LDLRAD3: variants seen among roughly 807,000 people sequenced by gnomAD.
The protein encoded by LDLRAD3 is low density lipoprotein receptor class A domain containing 3, also known as low-density lipoprotein receptor class A domain-containing protein 3.
In LDLRAD3, 20 loss-of-function variants were observed where a neutral mutation model predicts 29.4. The observed-to-expected ratio is 0.68, with a 90% CI of 0.48 to 0.99. The LOEUF is 0.99. Ranked by LOEUF, LDLRAD3 falls within the 50% of genes least tolerant of loss-of-function variation. The pLI is 0.00. For missense variants in LDLRAD3, 420 were observed against 454.3 expected (o/e 0.92, Z 0.69); for synonymous variants, 157 against 192.7 (o/e 0.81, Z 1.53).
chr11:36,192,013 C>G (rs1854960956), intron 4 of LDLRAD3, among the ~76,000 whole-genome samples: 1 of 152,064 alleles, frequency 6.6e-6, no homozygotes, highest in Admixed American at 6.5e-5. Flanking sequence ...AAGTAGCATA[C>G]AAGCATGCTA....
At chr11:35,945,542 A>G (rs1851046026) in intron 1 of LDLRAD3, among the ~76,000 whole-genome samples, 1 of 152,180 alleles carries the variant, frequency 6.6e-6, no homozygotes, top group Non-Finnish European at 1.5e-5. Flanking sequence ...GAGAGTTCTC[A>G]CAGGACATTG....
intron 4 of LDLRAD3, among the ~76,000 whole-genome samples, chr11:36,121,853 C>T (rs1381246869): frequency 6.6e-6 from 1 of 152,236 alleles, no homozygotes; most frequent in African/African-American, 2.4e-5. Context: ...CCAGCACCTC[C>T]CACCTGCCAT....
chr11:36,013,327 A>G (rs1260234508), intron 1 of LDLRAD3, among the ~76,000 whole-genome samples: 1 of 152,036 alleles, frequency 6.6e-6, no homozygotes, highest in Non-Finnish European at 1.5e-5. Flanking sequence ...TCCGAGATAC[A>G]TGTGCAGAAT....
intron 1 of LDLRAD3, among the ~76,000 whole-genome samples, chr11:35,982,877 G>A (rs1173671827): frequency 7.4e-6 from 1 of 134,866 alleles, no homozygotes; most frequent in Admixed American, 8.1e-5. Flanking sequence ...TTTTTGAGAC[G>A]GAGTCTTGCT....
At chr11:36,206,960 T>G (rs1223224375) in intron 4 of LDLRAD3, among the ~76,000 whole-genome samples, 1 of 152,070 alleles carries the variant, frequency 6.6e-6, no homozygotes, top group Non-Finnish European at 1.5e-5. Context: ...ACTCTTGACC[T>G]CGTGATACAC....
intron 1 of LDLRAD3, among the ~76,000 whole-genome samples, chr11:35,989,952 T>C (rs1277585688): frequency 6.6e-6 from 1 of 152,140 alleles, no homozygotes; most frequent in Non-Finnish European, 1.5e-5. Flanking sequence ...GAAAACCTCA[T>C]AGGAAAACCA....
At chr11:36,042,199 A>G (rs941448344) in intron 2 of LDLRAD3, among the ~76,000 whole-genome samples, 10 of 152,100 alleles carry the variant, frequency 6.6e-5, no homozygotes, top group African/African-American at 2.2e-4. Flanking sequence ...TTCTGCCTCT[A>G]GGTGGTGCCA....
chr11:36,044,523 C>T (rs879591940), intron 2 of LDLRAD3, among the ~76,000 whole-genome samples: 9 of 152,202 alleles, frequency 5.9e-5, no homozygotes, highest in Non-Finnish European at 1.2e-4. Flanking sequence ...CTCCATCCTC[C>T]GCTTCCCCTT....
intron 1 of LDLRAD3, among the ~76,000 whole-genome samples, chr11:35,958,236 A>G (rs1168322784): frequency 6.6e-6 from 1 of 152,210 alleles, no homozygotes; most frequent in Non-Finnish European, 1.5e-5. Context: ...CCTATTTCAG[A>G]TGCTCAATAG....
chr11:36,102,219 T>C (rs1328309527), intron 4 of LDLRAD3, among the ~76,000 whole-genome samples: 1 of 152,202 alleles, frequency 6.6e-6, no homozygotes, highest in Non-Finnish European at 1.5e-5. Context: ...TACTTTTTGA[T>C]GCACTGAGTA....
chr11:35,963,718 T>C (rs1488965447), intron 1 of LDLRAD3, among the ~76,000 whole-genome samples: 3 of 152,250 alleles, frequency 2.0e-5, no homozygotes, highest in Non-Finnish European at 2.9e-5. Context: ...CCACTCTGTA[T>C]GTGCTTACCA....
At chr11:36,001,350 C>T (rs751917094) in intron 1 of LDLRAD3, among the ~76,000 whole-genome samples, 13 of 152,144 alleles carry the variant, frequency 8.5e-5, no homozygotes, top group South Asian at 4.1e-4. Context: ...TATCCCTCCC[C>T]GCTCCCCCAA....
At chr11:36,219,899 A>C (rs1049668348) in intron 4 of LDLRAD3, among the ~76,000 whole-genome samples, 1 of 152,236 alleles carries the variant, frequency 6.6e-6, no homozygotes, top group African/African-American at 2.4e-5. Context: ...GCCATAGACT[A>C]GGAGAAAATA....
chr11:36,108,319 CAAAAAAAAAAAAA>C (rs60376519), intron 4 of LDLRAD3, among the ~76,000 whole-genome samples: 7 of 48,984 alleles, frequency 1.4e-4, no homozygotes, highest in African/African-American at 4.9e-4. Flanking sequence ...GACTCCATCT[CAAAAAAAAAAAAA>C]AAAAAAAAAA....
intron 1 of LDLRAD3, among the ~76,000 whole-genome samples, chr11:35,973,841 C>T (rs1393006376): frequency 7.2e-5 from 11 of 152,158 alleles, no homozygotes; most frequent in Admixed American, 7.2e-4. Context: ...TCCCCACCAG[C>T]ACTAAATGAG....
intron 4 of LDLRAD3, among the ~76,000 whole-genome samples, chr11:36,134,623 G>A (rs1428656850): frequency 6.6e-6 from 1 of 152,236 alleles, no homozygotes; most frequent in Non-Finnish European, 1.5e-5. Context: ...AGGCAGCAGT[G>A]TAGTTTTTGC....
Position 36,227,430 on chromosome 11 carries a change from G to A in LDLRAD3, c.800G>A (p.Arg267Lys). 6.4e-7 allele frequency: 1 copy of A among 1,564,344 alleles called. No homozygotes were observed. The highest frequency in any genetic ancestry group is 8.6e-7 in the Non-Finnish European group (1 of 1,156,110). Residue 267 changes from arginine to lysine, a missense_variant and splice_region_variant, in exon 5 of 6, where the codon AGG becomes AAG. By Grantham distance (26) the Arg-to-Lys change is conservative. Transcript: ENST00000315571. ...PSYSEALLDQ[R>K]PAWYDLPPPP... ...TACTCCGAGGCCTTGCTGGACCAGA[G>A]GTGTGTGCTGGATGGAAGAGATTGA...
chr11:36,181,533 A>G (rs1215304046), intron 4 of LDLRAD3, among the ~76,000 whole-genome samples: 1 of 152,182 alleles, frequency 6.6e-6, no homozygotes. Context: ...TTCAGACTCC[A>G]AAGTCCAGAC....
chr11:36,205,821 C>T (rs546189559), intron 4 of LDLRAD3, among the ~76,000 whole-genome samples: 107 of 152,256 alleles, frequency 7.0e-4, no homozygotes, highest in Non-Finnish European at 1.1e-3. Flanking sequence ...GGAGCTTTGC[C>T]GGCAATGATA....
Sources: gnomAD v4.1 joint callset for allele counts (sites outside exome capture counted in the v4.1 genomes callset) on GRCh38, gnomAD v4.1.1 for gene constraint, MANE v1.5 for transcripts, NCBI Gene and HGNC (gene_info 2026-07-23, HGNC 2026-07-21) for gene names.